The following DIP2C variants were observed in gnomAD, a reference collection of about 807,000 sequenced individuals.
DIP2C encodes the protein disco-interacting protein 2 homolog C.
DIP2C carries 33 observed loss-of-function variants against 192.4 expected under a neutral mutation model. The ratio of observed to expected loss-of-function variants is 0.17; its 90% CI spans 0.13 to 0.23. The LOEUF is 0.23. Ranked by LOEUF, DIP2C falls within the 10% of genes least tolerant of loss-of-function variation. The pLI is 1.00. For synonymous variants in DIP2C, 979 were observed against 864.1 expected, an observed-to-expected ratio of 1.13 and a Z score of -2.33; for missense variants, 1,537 against 2,110.1, an observed-to-expected ratio of 0.73 and a Z score of 5.32.
chr10:647,050 G>A (rs1855491225), intron 1 of DIP2C, among the ~76,000 whole-genome samples: 1 of 152,264 alleles, frequency 6.6e-6, no homozygotes, highest in Admixed American at 6.5e-5. Flanking sequence ...GACAGTAGGA[G>A]AGAACAGAGG....
chr10:412,760 T>C (rs917866348), intron 8 of DIP2C, among the ~76,000 whole-genome samples: 11 of 152,106 alleles, frequency 7.2e-5, no homozygotes, highest in African/African-American at 2.7e-4. Context: ...TAGAAATCAA[T>C]TCCTTTCCTA....
chr10:487,622 G>A (rs1395614009), intron 1 of DIP2C, among the ~76,000 whole-genome samples: 2 of 127,206 alleles, frequency 1.6e-5, no homozygotes, highest in African/African-American at 6.1e-5. Flanking sequence ...CTGTCGCCCA[G>A]GCTGGAGTGC....
intron 8 of DIP2C, among the ~76,000 whole-genome samples, chr10:409,317 G>T (rs949820143): frequency 1.3e-5 from 2 of 152,080 alleles, no homozygotes; most frequent in South Asian, 2.1e-4. Flanking sequence ...GGTGGCGAGG[G>T]GGGGCGCGGA....
rs529655788 is a variant in DIP2C at position 436,473 on chromosome 10, C to T, written c.394+4398G>A. 1.2e-4 allele frequency among the ~76,000 whole-genome samples: 18 copies of T among 152,266 alleles called. No individual in the cohort carries two copies. The South Asian group carries it at 3.7e-3, about 32-fold the overall frequency. On this transcript the variant is annotated intron_variant, in intron 4 of 36. Coordinates refer to ENST00000280886, the MANE Select transcript of DIP2C (RefSeq NM_014974.3). ...CTCCTGGACTTGGCAGGGTGGCATG[C>T]TCCGCCCACACCAGAGCTCTCTCCG...
chr10:568,409 A>C (rs1020504802), intron 1 of DIP2C, among the ~76,000 whole-genome samples: 3 of 152,286 alleles, frequency 2.0e-5, no homozygotes, highest in South Asian at 4.1e-4. Context: ...AAAAGAAACG[A>C]ATCATCCAAG....
chr10:509,159 G>T (rs1845838595), intron 1 of DIP2C, among the ~76,000 whole-genome samples: 2 of 152,142 alleles, frequency 1.3e-5, no homozygotes, highest in South Asian at 4.2e-4. Context: ...GGGGTCGATT[G>T]GTTTTTTAGA....
At chr10:361,949 G>T (rs956022506) in intron 22 of DIP2C, among the ~76,000 whole-genome samples, 3 of 151,596 alleles carry the variant, frequency 2.0e-5, no homozygotes, top group Non-Finnish European at 2.9e-5. Flanking sequence ...ACAACAGTGT[G>T]GGGGGAAAAC....
At chr10:516,274 C>T (rs1050649341) in intron 1 of DIP2C, among the ~76,000 whole-genome samples, 4 of 92,144 alleles carry the variant, frequency 4.3e-5, no homozygotes, top group Non-Finnish European at 8.3e-5. Context: ...CCTGCTTTCC[C>T]TGGAGATCAG....
intron 1 of DIP2C, among the ~76,000 whole-genome samples, chr10:621,281 C>A (rs995761332): frequency 6.6e-6 from 1 of 151,314 alleles, no homozygotes; most frequent in Admixed American, 6.6e-5. Flanking sequence ...GGTGTGCACA[C>A]GCTCTGTACA....
chr10:600,264 C>T (rs984950641), intron 1 of DIP2C, among the ~76,000 whole-genome samples: 2 of 152,186 alleles, frequency 1.3e-5, no homozygotes, highest in Admixed American at 6.5e-5. Context: ...GAGTCACTGC[C>T]GCTGCCTTGC....
intron 32 of DIP2C, among the ~76,000 whole-genome samples, chr10:303,806 A>C (rs1232178339): frequency 6.6e-6 from 1 of 152,120 alleles, no homozygotes; most frequent in Non-Finnish European, 1.5e-5. Context: ...TATAGGCATG[A>C]GCCGCCGCGC....
chr10:420,372 T>C (rs1268956890), intron 5 of DIP2C, among the ~76,000 whole-genome samples: 1 of 152,190 alleles, frequency 6.6e-6, no homozygotes, highest in Non-Finnish European at 1.5e-5. Context: ...CACAAGTAGA[T>C]TCGGCAATGC....
intron 2 of DIP2C, among the ~76,000 whole-genome samples, chr10:479,324 A>G (rs539775749): frequency 1.6e-5 from 2 of 126,610 alleles, no homozygotes; most frequent in Admixed American, 8.3e-5. Context: ...GAATTCTCAC[A>G]CTGCTTTTTT....
intron 23 of DIP2C, among the ~76,000 whole-genome samples, chr10:356,869 T>C (rs1194839846): frequency 6.6e-6 from 1 of 152,200 alleles, no homozygotes; most frequent in Non-Finnish European, 1.5e-5. Flanking sequence ...AAATCCCTTC[T>C]CCTGGGGCTT....
At chr10:447,372 T>C (rs369089646) in intron 3 of DIP2C, among the ~76,000 whole-genome samples, 1,401 of 103,596 alleles carry the variant, frequency 0.014, 10 homozygotes, top group East Asian at 0.047. Context: ...CACTCACCCC[T>C]GTCGATACTC....
intron 1 of DIP2C, among the ~76,000 whole-genome samples, chr10:617,823 C>T (rs1047793794): frequency 1.6e-4 from 24 of 152,150 alleles, no homozygotes; most frequent in African/African-American, 4.8e-4. Context: ...GGGTAACCGC[C>T]CCCCCAGCCC....
At chr10:608,137 A>C (rs1465763323) in intron 1 of DIP2C, among the ~76,000 whole-genome samples, 7 of 99,028 alleles carry the variant, frequency 7.1e-5, no homozygotes, top group Middle Eastern at 5.3e-3. Flanking sequence ...CCCAACACAC[A>C]CACAGCCCCC....
rs1328791166 is a variant in DIP2C, at chr10:608,199, A to T, written c.85+81295T>A. The stretch of plus-strand genomic sequence containing the variant: ...ACACACACCCCACACACACAGCCCC[A>T]ACACACACACAGCCCCCCCACACAC... On this transcript the variant is annotated intron_variant, in intron 1 of 36. Transcript: ENST00000280886. 8.1e-4 allele frequency among the ~76,000 whole-genome samples: 17 copies of T among 20,894 alleles called. No individual in the cohort carries two copies. The African/African-American group carries it at 0.013, about 16-fold the overall frequency. The allele number at this position is 20,894 out of a possible 152,430, so 13.7% of individuals were successfully genotyped here.
chr10:579,238 C>T (rs1374570530), intron 1 of DIP2C, among the ~76,000 whole-genome samples: 2 of 151,948 alleles, frequency 1.3e-5, no homozygotes, highest in Non-Finnish European at 2.9e-5. Context: ...AGTGTACGTA[C>T]ATAGGTACAC....
Sources: allele counts gnomAD v4.1 joint callset (sites outside exome capture counted in the v4.1 genomes callset), GRCh38; gene constraint gnomAD v4.1.1; transcripts MANE v1.5; gene names NCBI Gene and HGNC (gene_info 2026-07-23, HGNC 2026-07-21).